The following CAB39L variants were observed in gnomAD, a reference collection of about 807,000 sequenced individuals.
The protein encoded by CAB39L is calcium-binding protein 39-like.
CAB39L carries 23 observed loss-of-function variants against 39.1 expected under a neutral mutation model. The observed-to-expected ratio is 0.59, with a 90% confidence interval of 0.42 to 0.83. The LOEUF (loss-of-function observed/expected upper bound fraction) is 0.83. Among genes scored for constraint, CAB39L ranks in the 40% least tolerant of loss-of-function variants. The pLI is 0.00. For missense variants in CAB39L, 366 were observed against 391.9 expected (o/e 0.93, Z 0.56); for synonymous variants, 126 against 137.2 (o/e 0.92, Z 0.57).
At chr13:49,409,604 A>G (rs532571813) in intron 3 of CAB39L, among the ~76,000 whole-genome samples, 1 of 152,236 alleles carries the variant, frequency 6.6e-6, no homozygotes, top group Admixed American at 6.5e-5. Flanking sequence ...ATATTTTTCT[A>G]AAATGAGAAG....
chr13:49,428,228 T>C (rs937689316), intron 3 of CAB39L, among the ~76,000 whole-genome samples: 2 of 152,208 alleles, frequency 1.3e-5, no homozygotes, highest in African/African-American at 4.8e-5. Flanking sequence ...CTGACTCAAA[T>C]GTCAGCCTCA....
intron 8 of CAB39L, among the ~76,000 whole-genome samples, chr13:49,343,128 T>G (rs1955050562): frequency 6.6e-6 from 1 of 152,202 alleles, no homozygotes; most frequent in Non-Finnish European, 1.5e-5. Context: ...CCTTCTAGGT[T>G]TGAGCTATAT....
At chr13:49,401,709 C>A (rs1228365695) in intron 3 of CAB39L, 1 of 152,122 alleles carries the variant, frequency 6.6e-6, no homozygotes, top group East Asian at 1.9e-4. Context: ...AAGTCTTATA[C>A]TTGTTCATGC....
intron 5 of CAB39L, among the ~76,000 whole-genome samples, chr13:49,363,374 T>C (rs75939255): frequency 0.016 from 2,450 of 152,284 alleles, 75 homozygotes; most frequent in African/African-American, 0.056. Context: ...GTAGAGTTCT[T>C]ATTAGTTTTC....
In CAB39L at chr13:49,322,165, C is replaced by T. The variant is rs138053572; in HGVS notation, c.834+9782G>A. On this transcript the variant is annotated intron_variant, in intron 10 of 10. Transcript: ENST00000409308. ...CGCCCCCTCCGCACCCCAACATGCT[C>T]CCAGCTCTAGGCAACACTAATCTAC... Among the ~76,000 whole-genome samples, 297 of 152,274 alleles carry T rather than the reference C, an allele frequency of 2.0e-3. 3 individuals carry two copies. The highest frequency in any genetic ancestry group is 0.011 in the Admixed American group (161 of 15,294).
intron 5 of CAB39L, among the ~76,000 whole-genome samples, chr13:49,367,568 T>C (rs1955805812): frequency 6.6e-6 from 1 of 152,222 alleles, no homozygotes; most frequent in African/African-American, 2.4e-5. Context: ...TAGGTGAATC[T>C]TCAATTTAAA....
chr13:49,439,363 C>T (rs776967735), intron 1 of CAB39L, among the ~76,000 whole-genome samples: 1 of 152,070 alleles, frequency 6.6e-6, no homozygotes, highest in Non-Finnish European at 1.5e-5. Context: ...TACTGTGTAA[C>T]GCTGAAGTCT....
At chr13:49,350,187 T>C (rs1001937530) in intron 7 of CAB39L, among the ~76,000 whole-genome samples, 2 of 152,200 alleles carry the variant, frequency 1.3e-5, no homozygotes, top group African/African-American at 4.8e-5. Flanking sequence ...AGATAATACA[T>C]GATCAAACTA....
intron 3 of CAB39L, among the ~76,000 whole-genome samples, chr13:49,405,719 G>GGA (rs1555264155): frequency 5.3e-5 from 5 of 94,988 alleles, no homozygotes; most frequent in African/African-American, 7.6e-5. Flanking sequence ...GAAAGAGAGA[G>GGA]AGGAAGGAAG....
intron 9 of CAB39L, among the ~76,000 whole-genome samples, chr13:49,337,738 A>G (rs1248880114): frequency 2.2e-3 from 178 of 79,992 alleles, no homozygotes; most frequent in Admixed American, 5.2e-3. Context: ...TGGCGCACAC[A>G]CACACACACA....
chr13:49,366,846 T>C (rs983532387), intron 5 of CAB39L, among the ~76,000 whole-genome samples: 1 of 151,998 alleles, frequency 6.6e-6, no homozygotes. Flanking sequence ...TGAAACCTTG[T>C]CTCTACTAAA....
chr13:49,379,722 CA>C (rs1956212280), intron 4 of CAB39L, among the ~76,000 whole-genome samples: 2 of 145,462 alleles, frequency 1.4e-5, no homozygotes, highest in East Asian at 2.0e-4. Flanking sequence ...AAAAAAAAAA[CA>C]AAAAAACAAA....
intron 9 of CAB39L, among the ~76,000 whole-genome samples, chr13:49,333,425 T>C (rs1954763289): frequency 6.6e-6 from 1 of 152,164 alleles, no homozygotes; most frequent in South Asian, 2.1e-4. Context: ...AGCTGTATAC[T>C]TGGATCTGCT....
At chr13:49,413,332 T>C (rs891140640) in intron 3 of CAB39L, among the ~76,000 whole-genome samples, 1 of 152,214 alleles carries the variant, frequency 6.6e-6, no homozygotes, top group East Asian at 1.9e-4. Flanking sequence ...ACAAAAATCA[T>C]AGACTTTATA....
intron 4 of CAB39L, chr13:49,382,583 G>A (rs761745235): frequency 4.1e-5 from 18 of 435,712 alleles, no homozygotes; most frequent in Admixed American, 3.0e-4. Flanking sequence ...AGAGGGATCC[G>A]GTGTGGTCAG....
At chr13:49,396,097 C>CAAAAAAAAAAAAAAAAA (rs58073071) in intron 3 of CAB39L, among the ~76,000 whole-genome samples, 2 of 123,514 alleles carry the variant, frequency 1.6e-5, no homozygotes, top group Admixed American at 8.2e-5. Flanking sequence ...GACTCTGTCT[C>CAAAAAAAAAAAAAAAAA]AAAAAAAAAA....
chr13:49,410,940 A>T (rs535142761), intron 3 of CAB39L, among the ~76,000 whole-genome samples: 4 of 152,320 alleles, frequency 2.6e-5, no homozygotes, highest in South Asian at 2.1e-4. Flanking sequence ...ACTATTAATC[A>T]CAGAACAATT....
chr13:49,313,309 A>G (rs895083993), intron 10 of CAB39L, among the ~76,000 whole-genome samples: 9 of 152,034 alleles, frequency 5.9e-5, no homozygotes, highest in East Asian at 1.9e-4. Context: ...GTGAAATCCC[A>G]TCTCTACTAA....
At chr13:49,371,792 A>T (rs1231878749) in intron 5 of CAB39L, among the ~76,000 whole-genome samples, 2 of 151,850 alleles carry the variant, frequency 1.3e-5, no homozygotes, top group Non-Finnish European at 2.9e-5. Context: ...GGGTTTTGCC[A>T]TGTTGCCCAG....
Sources: gnomAD v4.1 joint callset for allele counts (sites outside exome capture counted in the v4.1 genomes callset) on GRCh38, gnomAD v4.1.1 for gene constraint, MANE v1.5 for transcripts, NCBI Gene and HGNC (gene_info 2026-07-23, HGNC 2026-07-21) for gene names.